The following PITPNC1 variants were observed in gnomAD, a reference collection of about 807,000 sequenced individuals.
PITPNC1 encodes cytoplasmic phosphatidylinositol transfer protein 1.
PITPNC1 carries 18 observed loss-of-function variants against 44.7 expected under a neutral mutation model. That is an observed-to-expected ratio of 0.40 (90% confidence interval 0.28 to 0.60). PITPNC1 has a LOEUF of 0.60. Ranked by LOEUF, PITPNC1 falls within the 20% of genes least tolerant of loss-of-function variation. The pLI is 0.39. For missense variants in PITPNC1, 290 were observed against 418.4 expected, an observed-to-expected ratio of 0.69 and a Z score of 2.68; for synonymous variants, 141 against 149.6, an observed-to-expected ratio of 0.94 and a Z score of 0.42.
intron 6 of PITPNC1, among the ~76,000 whole-genome samples, chr17:67,634,278 A>G (rs1181770792): frequency 6.6e-6 from 1 of 152,148 alleles, no homozygotes; most frequent in Non-Finnish European, 1.5e-5. Flanking sequence ...TGTCACATAC[A>G]ATGTTAAGAT....
At chr17:67,390,473 G>A (rs976364635) in intron 1 of PITPNC1, among the ~76,000 whole-genome samples, 3 of 152,156 alleles carry the variant, frequency 2.0e-5, no homozygotes, top group East Asian at 1.9e-4. Flanking sequence ...TCTGCTTTCC[G>A]TGAGCATTGA....
At chr17:67,579,184 G>A (rs1394840394) in intron 5 of PITPNC1, among the ~76,000 whole-genome samples, 1 of 152,132 alleles carries the variant, frequency 6.6e-6, no homozygotes, top group East Asian at 1.9e-4. Flanking sequence ...TTAGTGTTGG[G>A]TAAAACCCAT....
At chr17:67,691,822 A>G (rs1050895541) in intron 8 of PITPNC1, among the ~76,000 whole-genome samples, 7 of 152,224 alleles carry the variant, frequency 4.6e-5, no homozygotes, top group Non-Finnish European at 7.3e-5. Flanking sequence ...CCTAGGCAAC[A>G]TAGCGAGACC....
intron 1 of PITPNC1, among the ~76,000 whole-genome samples, chr17:67,468,616 G>A (rs1170407404): frequency 6.6e-6 from 1 of 151,474 alleles, no homozygotes; most frequent in African/African-American, 2.4e-5. Flanking sequence ...TGTTAGCCAG[G>A]AGGGTCTCGA....
At chr17:67,550,627 A>G (rs2040747996) in intron 2 of PITPNC1, among the ~76,000 whole-genome samples, 1 of 151,990 alleles carries the variant, frequency 6.6e-6, no homozygotes, top group African/African-American at 2.4e-5. Context: ...TAAGTTGCTG[A>G]GAGTATACGT....
chr17:67,423,612 T>C (rs1219823812), intron 1 of PITPNC1, among the ~76,000 whole-genome samples: 1 of 152,166 alleles, frequency 6.6e-6, no homozygotes, highest in Non-Finnish European at 1.5e-5. Flanking sequence ...TAAGCGATCC[T>C]CCTGCCTCAG....
Position 67,397,177 on chromosome 17 carries a change from C to T in PITPNC1, c.48+18975C>T, listed in dbSNP as rs375833099. On this transcript the variant is annotated intron_variant, in intron 1 of 8. Transcript: ENST00000581322. ...TGTATTTTTAGTATAGACGGGGTTT[C>T]TCCATGTTGGCCAGGCTGGTCTCGA... Among the ~76,000 whole-genome samples, 17 of 152,130 alleles carry T rather than the reference C, an allele frequency of 1.1e-4. No individual in the cohort carries two copies. The East Asian group carries it at 3.1e-3, about 28-fold the overall frequency.
intron 6 of PITPNC1, among the ~76,000 whole-genome samples, chr17:67,664,971 G>A (rs1024656521): frequency 6.6e-6 from 1 of 151,766 alleles, no homozygotes; most frequent in Non-Finnish European, 1.5e-5. Flanking sequence ...TTCATTGTGT[G>A]GATATACCAT....
intron 1 of PITPNC1, among the ~76,000 whole-genome samples, chr17:67,445,521 C>T (rs896711861): frequency 2.0e-5 from 3 of 151,516 alleles, no homozygotes; most frequent in South Asian, 2.1e-4. Context: ...CGCTTTAGTT[C>T]TGTCTCTCAA....
intron 1 of PITPNC1, among the ~76,000 whole-genome samples, chr17:67,482,946 G>GACAAAACTAGGA (rs1782110485): frequency 6.6e-6 from 1 of 152,156 alleles, no homozygotes; most frequent in Non-Finnish European, 1.5e-5. Flanking sequence ...CCGTGGGTCT[G>GACAAAACTAGGA]ACTCAGTCCT....
intron 1 of PITPNC1, among the ~76,000 whole-genome samples, chr17:67,413,130 G>A (rs1407472449): frequency 6.6e-6 from 1 of 152,194 alleles, no homozygotes; most frequent in Non-Finnish European, 1.5e-5. Flanking sequence ...AGATCATCCA[G>A]AAAGAGAATT....
intron 5 of PITPNC1, among the ~76,000 whole-genome samples, chr17:67,582,280 T>C (rs2041245466): frequency 6.6e-6 from 1 of 152,172 alleles, no homozygotes; most frequent in African/African-American, 2.4e-5. Flanking sequence ...AGGAAAGCAG[T>C]GCAGTAGTGG....
chr17:67,607,092 GA>G (rs1180259941), intron 5 of PITPNC1, among the ~76,000 whole-genome samples: 1 of 152,208 alleles, frequency 6.6e-6, no homozygotes, highest in East Asian at 1.9e-4. Context: ...GGAGTTAGAG[GA>G]AAGACCATGT....
intron 1 of PITPNC1, among the ~76,000 whole-genome samples, chr17:67,501,637 G>C (rs941259540): frequency 2.0e-5 from 3 of 152,118 alleles, no homozygotes; most frequent in African/African-American, 7.2e-5. Context: ...TTCAAGACCA[G>C]CCTGGCCAAC....
At chr17:67,580,516 T>G (rs1028145288) in intron 5 of PITPNC1, among the ~76,000 whole-genome samples, 6 of 151,844 alleles carry the variant, frequency 4.0e-5, no homozygotes, top group Admixed American at 3.3e-4. Context: ...AATTTTTGTG[T>G]TTTTTTTAGA....
intron 2 of PITPNC1, among the ~76,000 whole-genome samples, chr17:67,535,339 G>A (rs975655396): frequency 8.5e-5 from 13 of 152,192 alleles, no homozygotes; most frequent in Non-Finnish European, 1.3e-4. Context: ...TCTCCTCGGG[G>A]ATCACCTCTG....
At chr17:67,596,231 T>C (rs987356490) in intron 5 of PITPNC1, among the ~76,000 whole-genome samples, 1 of 152,188 alleles carries the variant, frequency 6.6e-6, no homozygotes, top group African/African-American at 2.4e-5. Context: ...TTAATTTCGA[T>C]CTATGGGTGA....
intron 1 of PITPNC1, among the ~76,000 whole-genome samples, chr17:67,517,417 T>C (rs7210323): frequency 0.69 from 105,530 of 152,166 alleles, 36,837 homozygotes; most frequent in East Asian, 0.77. Flanking sequence ...AGTAATTCCA[T>C]ATCCAAGGGA....
intron 4 of PITPNC1, among the ~76,000 whole-genome samples, chr17:67,568,792 G>T (rs145918105): frequency 1.4e-3 from 219 of 152,282 alleles, no homozygotes; most frequent in African/African-American, 5.0e-3. Context: ...CCCAGCAAAT[G>T]AGGCATCATT....
Sources: allele counts gnomAD v4.1 joint callset (sites outside exome capture counted in the v4.1 genomes callset), GRCh38; gene constraint gnomAD v4.1.1; transcripts MANE v1.5; gene names NCBI Gene and HGNC (gene_info 2026-07-23, HGNC 2026-07-21).